RGS12: variants seen among roughly 807,000 people sequenced by gnomAD.
The protein encoded by RGS12 is regulator of G protein signaling 12, also known as regulator of G-protein signaling 12.
A neutral mutation model predicts 120.1 loss-of-function variants in RGS12; 66 were observed. The observed-to-expected ratio is 0.55, with a 90% CI of 0.45 to 0.67. RGS12 has a LOEUF of 0.67. Among genes scored for constraint, RGS12 ranks in the 30% least tolerant of loss-of-function variants. The probability of loss-of-function intolerance (pLI) is 0.00; values close to 1 mark genes in which losing one functional copy is unlikely to be tolerated. For missense variants in RGS12, 1,859 were observed against 1,957.7 expected, an observed-to-expected ratio of 0.95 and a Z score of 0.95; for synonymous variants, 827 against 804.7, an observed-to-expected ratio of 1.03 and a Z score of -0.47.
chr4:3,371,206 G>C (rs1482069699), intron 3 of RGS12, among the ~76,000 whole-genome samples: 1 of 152,214 alleles, frequency 6.6e-6, no homozygotes, highest in Non-Finnish European at 1.5e-5. Flanking sequence ...TGTGCACGTG[G>C]AAAGCTGCTT....
intron 4 of RGS12, among the ~76,000 whole-genome samples, chr4:3,387,225 A>G (rs1718951069): frequency 1.3e-5 from 2 of 152,244 alleles, no homozygotes; most frequent in Non-Finnish European, 2.9e-5. Context: ...GCTGAGGCAC[A>G]GGCTGTGCTG....
intron 1 of RGS12, among the ~76,000 whole-genome samples, chr4:3,295,571 A>C (rs548764217): frequency 1.3e-5 from 2 of 148,410 alleles, no homozygotes; most frequent in East Asian, 4.3e-4. Context: ...GAGACACAAG[A>C]TTCGCTTGAA....
chr4:3,437,863 G>A (rs540259730), intron 17 of RGS12, among the ~76,000 whole-genome samples: 4 of 152,188 alleles, frequency 2.6e-5, no homozygotes, highest in Non-Finnish European at 5.9e-5. Flanking sequence ...CTCAAGAGGG[G>A]AGTCACACCT....
At chr4:3,296,051 G>A (rs574613057) in intron 1 of RGS12, among the ~76,000 whole-genome samples, 40 of 152,020 alleles carry the variant, frequency 2.6e-4, no homozygotes, top group African/African-American at 8.5e-4. Context: ...GAGGAGAGCC[G>A]TTCACCCCCC....
intron 1 of RGS12, among the ~76,000 whole-genome samples, chr4:3,299,121 T>C (rs1437439954): frequency 2.0e-5 from 3 of 152,092 alleles, no homozygotes; most frequent in African/African-American, 4.8e-5. Context: ...TTGTCTGGAC[T>C]CAAATGAAAA....
intron 13 of RGS12, 181 bp downstream of exon 13, chr4:3,423,822 G>C (rs1269195184): frequency 1.5e-6 from 1 of 683,916 alleles, no homozygotes; most frequent in African/African-American, 1.8e-5. Flanking sequence ...TGTGCAGTGG[G>C]AGCCATCATG....
intron 3 of RGS12, among the ~76,000 whole-genome samples, chr4:3,377,013 CTTT>C (rs772104697): frequency 1.1e-4 from 15 of 139,822 alleles, no homozygotes; most frequent in Non-Finnish European, 1.1e-4. Context: ...TTGTTAAATT[CTTT>C]TTTTTTTTTT....
chr4:3,366,600 C>T lies in RGS12; in HGVS notation c.1999-19816C>T, dbSNP rs541446594. 2.0e-5 allele frequency among the ~76,000 whole-genome samples: 3 copies of T among 152,336 alleles called. No individual in the cohort carries two copies. The highest frequency in any genetic ancestry group is 4.4e-5 in the Non-Finnish European group (3 of 68,028). ...GGGCCGTCCCGGTTCCTGGGTGTTC[C>T]GCGCCCGTCTCCTTTCTGCTGTTGA... On this transcript the variant is annotated intron_variant, in intron 3 of 17. Transcript: ENST00000336727. This position sits in a 1 kb window ranked among gnomAD's most constrained non-coding sequence, Gnocchi z 4.0.
chr4:3,327,230 T>C (rs1398996768), intron 2 of RGS12, among the ~76,000 whole-genome samples: 1 of 152,144 alleles, frequency 6.6e-6, no homozygotes, highest in Non-Finnish European at 1.5e-5. Context: ...ACTGGGAAAA[T>C]TGGATTGCCC....
chr4:3,437,595 C>T (rs1472276920), intron 17 of RGS12, among the ~76,000 whole-genome samples: 4 of 152,192 alleles, frequency 2.6e-5, no homozygotes, highest in African/African-American at 9.6e-5. Flanking sequence ...CCCCTGGGGG[C>T]AGGGCTAGCT....
intron 3 of RGS12, among the ~76,000 whole-genome samples, chr4:3,350,686 A>G (rs1336239203): frequency 6.6e-6 from 1 of 151,300 alleles, no homozygotes; most frequent in Non-Finnish European, 1.5e-5. Context: ...TATCTCAAAA[A>G]AACAAAAAAC....
intron 10 of RGS12, among the ~76,000 whole-genome samples, chr4:3,420,933 G>A (rs1400000346): frequency 6.6e-6 from 1 of 152,246 alleles, no homozygotes; most frequent in Non-Finnish European, 1.5e-5. Context: ...CCCCAGCCTA[G>A]GGCTCCTGAG....
chr4:3,416,538 C>T (rs1234922350), intron 7 of RGS12, among the ~76,000 whole-genome samples: 1 of 152,204 alleles, frequency 6.6e-6, no homozygotes, highest in Non-Finnish European at 1.5e-5. Context: ...ACGTGGGTCA[C>T]GTTCACAGAA....
intron 1 of RGS12, among the ~76,000 whole-genome samples, chr4:3,302,120 A>T (rs1375276704): frequency 6.6e-6 from 1 of 152,130 alleles, no homozygotes; most frequent in East Asian, 1.9e-4. Context: ...GGAAAGGAAG[A>T]ATTGAGGAGG....
intron 17 of RGS12, among the ~76,000 whole-genome samples, chr4:3,438,263 A>G (rs1725000256): frequency 6.6e-6 from 1 of 151,696 alleles, no homozygotes; most frequent in African/African-American, 2.4e-5. Flanking sequence ...AGGCTCACTG[A>G]GGAAGGGAGC....
intron 1 of RGS12, among the ~76,000 whole-genome samples, chr4:3,293,548 C>T (rs1416041825): frequency 6.6e-6 from 1 of 152,142 alleles, no homozygotes; most frequent in Non-Finnish European, 1.5e-5. Flanking sequence ...AGCTGCCTTC[C>T]GAGACCCGAA....
Position 3,417,414 on chromosome 4 carries a change from A to G in RGS12, c.2634A>G (p.Arg878=), listed in dbSNP as rs1722525994. ...KKLSGKSKSG[R]SLNEELGDED... ...TAAGTGGAAAATCAAAATCCGGCCG[A>G]TCCCTGAATGAAGAGCTGGGGGATG... Residue 878 remains arginine, a synonymous_variant, in exon 9 of 18, where the codon CGA becomes CGG. Coordinates refer to ENST00000336727, the MANE Select transcript of RGS12 (RefSeq NM_001394154.1). The G allele has an allele frequency of 9.5e-6, 15 of 1,576,274 alleles. No individual in the cohort carries two copies. Among genetic ancestry groups the G allele is most frequent in the Admixed American group, 1.9e-5 (1 of 52,782 alleles).
intron 1 of RGS12, chr4:3,314,903 C>T (rs908459144): frequency 6.6e-6 from 1 of 152,228 alleles, no homozygotes; most frequent in South Asian, 2.1e-4. Context: ...CCACCACCCT[C>T]AATGAAGAGG....
At chr4:3,342,535 C>T in intron 2 of RGS12, 8 of 1,293,262 alleles carry the variant, frequency 6.2e-6, no homozygotes, top group Non-Finnish European at 8.1e-6. Context: ...GAAAACCTGC[C>T]TTCATCTTTA....
Sources: allele counts gnomAD v4.1 joint callset (sites outside exome capture counted in the v4.1 genomes callset), GRCh38; gene constraint gnomAD v4.1.1; non-coding constraint Gnocchi (gnomAD v3.1); transcripts MANE v1.5; gene names NCBI Gene and HGNC (gene_info 2026-07-23, HGNC 2026-07-21).